SLC6A16: variants seen among roughly 807,000 people sequenced by gnomAD.
SLC6A16 encodes solute carrier family 6 member 16, also known as orphan sodium- and chloride-dependent neurotransmitter transporter NTT5.
A neutral mutation model predicts 65.4 loss-of-function variants in SLC6A16; 54 were observed. That is an observed-to-expected ratio of 0.83 (90% CI 0.66 to 1.04). SLC6A16 has a LOEUF of 1.04. Ranked by LOEUF, SLC6A16 falls within the 50% of genes least tolerant of loss-of-function variation. The probability of loss-of-function intolerance (pLI) is 0.00; values close to 1 mark genes in which losing one functional copy is unlikely to be tolerated. For missense variants in SLC6A16, 816 were observed against 914.0 expected, an observed-to-expected ratio of 0.89 and a Z score of 1.38; for synonymous variants, 330 against 346.5, an observed-to-expected ratio of 0.95 and a Z score of 0.53.
chr19:49,308,910 A>G lies in SLC6A16; in HGVS notation c.1195T>C (p.Trp399Arg), dbSNP rs760402213. 1 of 1,614,198 alleles carries G rather than the reference A, an allele frequency of 6.2e-7. No homozygotes were observed. The highest frequency in any genetic ancestry group is 1.1e-5 in the South Asian group (1 of 91,086). The change falls in exon 7 of 12, where the codon TGG becomes CGG. Residue 399 changes from tryptophan (W) to arginine (R), a missense_variant. Transcript: ENST00000335875. ...TSFNFCVLGF[W>R]ATVITHRCCE... The stretch of plus-strand genomic sequence containing the variant: ...CAGCGATGTGTGATGACTGTCGCCC[A>G]GAAGCCCAGGACACAGAAGTTGAAA...
upstream of SLC6A16, among the ~76,000 whole-genome samples, chr19:49,326,203 G>A (rs931156859): frequency 3.3e-5 from 5 of 151,904 alleles, no homozygotes; most frequent in African/African-American, 9.7e-5. Context: ...AAAAATTTGG[G>A]GAGAAGAATG....
the SLC6A16 span, chr19:49,335,422 CCTTTCTCTCTCAGCTCTCCGTCTCT>C: frequency 2.5e-6 from 2 of 785,838 alleles, no homozygotes; most frequent in South Asian, 3.2e-5. This position sits in a 1 kb window ranked among gnomAD's most constrained non-coding sequence, Gnocchi z 4.6. Context: ...TGGGGTTCTT[CCTTTCTCTCTCAGCTCTCCGTCTCT>C]CTTTCTCTCT....
chr19:49,337,706 G>C, the SLC6A16 span: 2 of 1,533,668 alleles, frequency 1.3e-6, no homozygotes, highest in Non-Finnish European at 1.7e-6. Context: ...GAGAACAAGA[G>C]AAAGAAATAG....
In SLC6A16 at chr19:49,292,538, A is replaced by G. The variant is rs1298234297; in HGVS notation, c.1778+685T>C. Among the ~76,000 whole-genome samples, 1 of 152,044 alleles carries G rather than the reference A, an allele frequency of 6.6e-6. No homozygotes were observed. Among genetic ancestry groups the G allele is most frequent in the Non-Finnish European group, 1.5e-5 (1 of 67,996 alleles). ...TCATTCTCCTACTCAAAACCCTCCA[A>G]TGCTTCATCTGCCATTCTGCATACA... On this transcript the variant is annotated intron_variant, in intron 10 of 11. Coordinates refer to ENST00000335875, the MANE Select transcript of SLC6A16 (RefSeq NM_014037.3). The surrounding 1 kb of genome is among the most constrained non-coding windows in gnomAD (Gnocchi z 4.3).
chr19:49,293,851 T>C lies in SLC6A16; in HGVS notation c.1594A>G (p.Arg532Gly). The C allele has an allele frequency of 6.2e-7, 1 of 1,614,018 alleles. No individual in the cohort carries two copies. The highest frequency in any genetic ancestry group is 8.5e-7 in the Non-Finnish European group (1 of 1,180,014). Residue 532 changes from arginine to glycine, a missense_variant, in exon 9 of 12, where the codon AGG becomes GGG. Physicochemically the swap from Arg to Gly is moderately radical, Grantham distance 125 (BLOSUM62 -2). Coordinates refer to ENST00000335875, the MANE Select transcript of SLC6A16 (RefSeq NM_014037.3). ...TPLQDTFSFF[R>G]KHTKLLIVGV... ...CCTATGAGCAGCTTTGTATGTTTCC[T>C]GAAGAAAGAGAAGGTGTCCTGGAGT...
At chr19:49,325,225 C>T (rs74755847), upstream of SLC6A16, 8 of 985,468 alleles carry the variant, frequency 8.1e-6, no homozygotes, top group Non-Finnish European at 9.6e-6. Context: ...CGATTCTCTG[C>T]GCATGCGCCG....
rs1670968361 is a variant in SLC6A16 at position 49,325,070 on chromosome 19, G to A, written c.-87C>T. 2 of 985,492 alleles carry A rather than the reference G, an allele frequency of 2.0e-6. No homozygotes were observed. The highest frequency in any genetic ancestry group is 4.7e-5 in the South Asian group (1 of 21,294). 61.0% of individuals were successfully genotyped at this position (985,492 alleles called of 1,614,324 possible). A position where few individuals can be genotyped will look rare whatever the true frequency, so the allele number is the denominator to read the frequency against. On this transcript the variant is annotated 5_prime_UTR_variant, in exon 1 of 12. Transcript: ENST00000335875. Reference sequence around the variant, plus strand: ...CACCCTAGCCCCAAGGCTTCTGCCAGGTTCTTCAGTCCAGCCAGTCGGACA... The same window carrying A: ...CACCCTAGCCCCAAGGCTTCTGCCAAGTTCTTCAGTCCAGCCAGTCGGACA...
the SLC6A16 span, chr19:49,331,743 C>T: frequency 2.2e-6 from 1 of 457,166 alleles, no homozygotes. Flanking sequence ...GGGCTGTGTC[C>T]CTTCTGCACC....
chr19:49,300,923 G>T (rs1232241672), intron 7 of SLC6A16, among the ~76,000 whole-genome samples: 1 of 151,980 alleles, frequency 6.6e-6, no homozygotes, highest in African/African-American at 2.4e-5. Context: ...ATGGTGGCAC[G>T]TTCCTGTAAT....
chr19:49,299,245 C>CAAA (rs768577715), intron 7 of SLC6A16, among the ~76,000 whole-genome samples: 1 of 84,544 alleles, frequency 1.2e-5, no homozygotes, highest in Non-Finnish European at 2.4e-5. Flanking sequence ...GACTCCGTCT[C>CAAA]AAAAAAAAAA....
At chr19:49,340,123 AT>A in the SLC6A16 span, 1 of 1,521,836 alleles carries the variant, frequency 6.6e-7, no homozygotes, top group Non-Finnish European at 8.9e-7. Context: ...TTTTCTACCT[AT>A]CCCCTTCTCC....
chr19:49,309,373 A>G lies in SLC6A16; in HGVS notation c.915T>C (p.Ile305=), dbSNP rs1306436265. The G allele has an allele frequency of 2.5e-6, 4 of 1,614,184 alleles. No individual in the cohort carries two copies. Among genetic ancestry groups the G allele is most frequent in the South Asian group, 1.1e-5 (1 of 91,082 alleles). ...GTAGAGTCCGGATGAAGAAACCGAC[A>G]ATGATGAAACAGGGGAGCAGTACCA... ...YVLVLLPCFI[I]VGFFIRTLLL... Residue 305 remains isoleucine (I), a synonymous_variant, in exon 6 of 12, where the codon ATT becomes ATC. Transcript: ENST00000335875.
chr19:49,290,643 T>C lies in SLC6A16; in HGVS notation c.1903A>G (p.Met635Val), dbSNP rs1432046298. 1 of 1,614,080 alleles carries C rather than the reference T, an allele frequency of 6.2e-7. No homozygotes were observed. The highest frequency in any genetic ancestry group is 1.1e-5 in the South Asian group (1 of 91,080). ...CAGGACATGTAGGTGATCGGCTTCATACAAAGATGAACCATCATGGTCACA... is the reference window on the plus strand; with the variant it reads ...CAGGACATGTAGGTGATCGGCTTCACACAAAGATGAACCATCATGGTCACA... ...IFVTMMVHLC[M>V]KPITYMSWDS... Residue 635 changes from methionine (M) to valine (V), a missense_variant, in exon 11 of 12, where the codon ATG (methionine) becomes GTG (valine). Transcript: ENST00000335875.
chr19:49,337,682 A>T, the SLC6A16 span: 1 of 1,527,966 alleles, frequency 6.5e-7, no homozygotes, highest in Non-Finnish European at 8.8e-7. Context: ...AAAGGGAAAC[A>T]CACGGGAAAA....
chr19:49,325,902 G>A (rs911942741), upstream of SLC6A16, among the ~76,000 whole-genome samples: 14 of 152,076 alleles, frequency 9.2e-5, no homozygotes, highest in East Asian at 2.1e-3. Context: ...GGTGGCTGAC[G>A]CCTGTAATCC....
the SLC6A16 span, among the ~76,000 whole-genome samples, chr19:49,334,585 C>T: frequency 6.6e-6 from 1 of 152,122 alleles, no homozygotes; most frequent in Non-Finnish European, 1.5e-5. Context: ...AATCCCAACA[C>T]TTTGGGAGGC....
intron 1 of SLC6A16, among the ~76,000 whole-genome samples, chr19:49,322,817 CTTTTTTTTTTTTTTTTTTTTTTTTTTTT>C (rs536909742): frequency 0.011 from 442 of 42,010 alleles, 6 homozygotes; most frequent in Admixed American, 0.025. Context: ...GAATTAGTAG[CTTTTTTTTTTTTTTTTTTTTTTTTTTTT>C]TTTTTTTTTT....
At position 49,317,752 on chromosome 19, in the gene SLC6A16, G is replaced by A. The variant is rs538066315; in HGVS notation, c.-64-6341C>T. ...ACCCAGGAGGTGGGGCTTGCAGTGA[G>A]CAGAGATCGCACCACTGCACTCCAG... On this transcript the variant is annotated intron_variant, in intron 1 of 11. Coordinates refer to ENST00000335875, the MANE Select transcript of SLC6A16 (RefSeq NM_014037.3). Among the ~76,000 whole-genome samples, 12 of 152,072 alleles carry A rather than the reference G, an allele frequency of 7.9e-5. No individual in the cohort carries two copies. In the East Asian group the frequency reaches 2.3e-3, roughly 29 times the overall value.
the SLC6A16 span, chr19:49,338,721 T>C: frequency 2.5e-6 from 4 of 1,612,080 alleles, no homozygotes; most frequent in African/African-American, 5.3e-5. This position sits in a 1 kb window ranked among gnomAD's most constrained non-coding sequence, Gnocchi z 5.0. Flanking sequence ...CGGCTGGCAC[T>C]ACCCGCAGGA....
Sources: allele counts gnomAD v4.1 joint callset (sites outside exome capture counted in the v4.1 genomes callset), GRCh38; gene constraint gnomAD v4.1.1; non-coding constraint Gnocchi (gnomAD v3.1); transcripts MANE v1.5; gene names NCBI Gene and HGNC (gene_info 2026-07-23, HGNC 2026-07-21).